The following EIF4G3 variants were observed in gnomAD, a reference collection of about 807,000 sequenced individuals.
EIF4G3 encodes the protein eukaryotic translation initiation factor 4 gamma 3.
In EIF4G3, 34 loss-of-function variants were observed where a neutral mutation model predicts 186.4. The observed-to-expected ratio is 0.18, with a 90% CI of 0.14 to 0.24. EIF4G3 has a LOEUF of 0.24. Ranked by LOEUF, EIF4G3 falls within the 10% of genes least tolerant of loss-of-function variation. The pLI, the probability that EIF4G3 is intolerant of heterozygous loss-of-function variation, is 1.00. For missense variants in EIF4G3, 1,536 were observed against 1,948.5 expected, an observed-to-expected ratio of 0.79 and a Z score of 3.99; for synonymous variants, 673 against 679.5, an observed-to-expected ratio of 0.99 and a Z score of 0.15.
At chr1:20,850,537 T>A (rs1185895565) in intron 28 of EIF4G3, among the ~76,000 whole-genome samples, 1 of 152,224 alleles carries the variant, frequency 6.6e-6, no homozygotes, top group Non-Finnish European at 1.5e-5. Flanking sequence ...ATGACTAATA[T>A]TTAAAAGAGG....
intron 4 of EIF4G3, among the ~76,000 whole-genome samples, chr1:21,048,248 A>T (rs1465561181): frequency 6.6e-6 from 1 of 152,212 alleles, no homozygotes; most frequent in Non-Finnish European, 1.5e-5. Flanking sequence ...TCACAACTTG[A>T]AACAGTAAGA....
chr1:21,048,055 C>T lies in EIF4G3; in HGVS notation c.-67+2811G>A, dbSNP rs568239615. Among the ~76,000 whole-genome samples the T allele has an allele frequency of 1.3e-5, 2 of 152,316 alleles. 1 individual carries two copies. The highest frequency in any genetic ancestry group is 4.1e-4 in the South Asian group (2 of 4,830). ...TGCAACACAATATTTGGTGGCCATT[C>T]TCCCTGGTATTCATGTACTCTGGTT... On this transcript the variant is annotated intron_variant, in intron 4 of 36. Coordinates refer to ENST00000602326, the MANE Select transcript of EIF4G3 (RefSeq NM_001391906.1).
chr1:21,016,522 C>T (rs1274069498), intron 4 of EIF4G3, among the ~76,000 whole-genome samples: 1 of 151,954 alleles, frequency 6.6e-6, no homozygotes, highest in African/African-American at 2.4e-5. Flanking sequence ...TCAACTCTAC[C>T]AAAAATAAAT....
At chr1:21,104,232 T>C (rs1216556822) in intron 2 of EIF4G3, among the ~76,000 whole-genome samples, 1 of 152,190 alleles carries the variant, frequency 6.6e-6, no homozygotes, top group Non-Finnish European at 1.5e-5. Context: ...AAAAGTCTTC[T>C]TGAAAGCACT....
intron 2 of EIF4G3, among the ~76,000 whole-genome samples, chr1:21,089,700 A>G (rs142339262): frequency 7.9e-5 from 12 of 151,994 alleles, no homozygotes; most frequent in African/African-American, 2.9e-4. Flanking sequence ...TGGTAGGATC[A>G]CTTGAGCACA....
At chr1:21,073,230 A>ATC (rs1330877265) in intron 3 of EIF4G3, among the ~76,000 whole-genome samples, 4 of 152,228 alleles carry the variant, frequency 2.6e-5, no homozygotes, top group Non-Finnish European at 5.9e-5. Flanking sequence ...TATACATCAG[A>ATC]TAAAACCCAA....
intron 12 of EIF4G3, among the ~76,000 whole-genome samples, chr1:20,952,805 G>A (rs559678785): frequency 4.0e-4 from 61 of 152,210 alleles, no homozygotes; most frequent in African/African-American, 1.3e-3. Flanking sequence ...AGCCGAGGTC[G>A]CGCCACTGCA....
intron 20 of EIF4G3, among the ~76,000 whole-genome samples, chr1:20,870,719 C>T (rs914291964): frequency 1.3e-5 from 2 of 152,248 alleles, no homozygotes; most frequent in African/African-American, 4.8e-5. Context: ...CTTGTCCACT[C>T]TTCCTCACCT....
At chr1:20,906,458 T>C (rs2092120752) in intron 14 of EIF4G3, among the ~76,000 whole-genome samples, 1 of 152,204 alleles carries the variant, frequency 6.6e-6, no homozygotes, top group Non-Finnish European at 1.5e-5. Context: ...AATTTAGCTC[T>C]AAATCTCATT....
chr1:21,034,370 T>C (rs1049430755), intron 4 of EIF4G3, among the ~76,000 whole-genome samples: 2 of 152,260 alleles, frequency 1.3e-5, no homozygotes, highest in Non-Finnish European at 2.9e-5. Flanking sequence ...GTATGTGTTT[T>C]ATTCTACATT....
rs1364009592 is a variant in EIF4G3, at chr1:20,980,430, G to A, written c.397C>T (p.Pro133Ser). ...TATTGTTGGGGGGGCCCAACATAAG[G>A]AGGGCCACTATGACGGTACTAGAAA... ...CIPQYRHSGP[P>S]YVGPPQQYPV... The change falls in exon 10 of 37, where the codon CCT becomes TCT. Residue 133 changes from proline (P) to serine (S), a missense_variant. Around this residue, in one of 11 missense-constraint regions of EIF4G3, gnomAD observed 194 missense variants for 212.8 expected, o/e 0.91. Coordinates refer to ENST00000602326, the MANE Select transcript of EIF4G3 (RefSeq NM_001391906.1). The A allele has an allele frequency of 1.9e-6, 3 of 1,549,862 alleles. No homozygotes were observed. In the East Asian group the frequency reaches 7.6e-5, roughly 39 times the overall value.
intron 4 of EIF4G3, among the ~76,000 whole-genome samples, chr1:21,038,062 A>C (rs1199178356): frequency 6.6e-6 from 1 of 152,212 alleles, no homozygotes; most frequent in Admixed American, 6.5e-5. Context: ...GCAGGGAAAC[A>C]CTACTGAAAT....
chr1:21,022,125 C>G (rs573714200), intron 4 of EIF4G3, among the ~76,000 whole-genome samples: 1 of 152,142 alleles, frequency 6.6e-6, no homozygotes, highest in Non-Finnish European at 1.5e-5. Context: ...TAAAATGGTA[C>G]AGAATTATTT....
intron 13 of EIF4G3, among the ~76,000 whole-genome samples, chr1:20,945,450 GT>G (rs1454991200): frequency 1.3e-5 from 2 of 152,110 alleles, no homozygotes; most frequent in African/African-American, 2.4e-5. Flanking sequence ...ATGGAAAGTT[GT>G]TTGTAATAAA....
chr1:20,876,730 T>G (rs2080991442), intron 20 of EIF4G3, among the ~76,000 whole-genome samples: 1 of 152,160 alleles, frequency 6.6e-6, no homozygotes, highest in African/African-American at 2.4e-5. Context: ...AGGAGGTGGC[T>G]CCTGCCTGTA....
chr1:21,068,409 T>G (rs1331947285), intron 3 of EIF4G3, among the ~76,000 whole-genome samples: 2 of 99,614 alleles, frequency 2.0e-5, no homozygotes, highest in Non-Finnish European at 2.5e-5. Context: ...AACAGAATAC[T>G]TCACATGAAC....
chr1:21,078,883 G>C (rs1384293483), intron 3 of EIF4G3, among the ~76,000 whole-genome samples: 1 of 152,166 alleles, frequency 6.6e-6, no homozygotes, highest in East Asian at 1.9e-4. Context: ...TACTATGGAG[G>C]CTGAGGCAGG....
chr1:21,155,392 G>T (rs910763169), intron 2 of EIF4G3, among the ~76,000 whole-genome samples: 1 of 151,978 alleles, frequency 6.6e-6, no homozygotes, highest in African/African-American at 2.4e-5. Context: ...GATAGTAATG[G>T]AGTTTATCAT....
chr1:21,063,721 G>A (rs113150704), intron 3 of EIF4G3, among the ~76,000 whole-genome samples: 1 of 414 alleles, frequency 2.4e-3, no homozygotes, highest in Non-Finnish European at 0.012. Context: ...GGGGGGTGTT[G>A]GGGGGGGGGA....
Sources: gnomAD v4.1 joint callset for allele counts (sites outside exome capture counted in the v4.1 genomes callset) on GRCh38, gnomAD v4.1.1 for gene constraint, gnomAD v4.1.1 regional missense constraint, MANE v1.5 for transcripts, NCBI Gene and HGNC (gene_info 2026-07-23, HGNC 2026-07-21) for gene names.